PGM5: variants seen among roughly 807,000 people sequenced by gnomAD.
PGM5 encodes the protein phosphoglucomutase 5, also known as phosphoglucomutase-like protein 5.
In PGM5, 23 loss-of-function variants were observed where a neutral mutation model predicts 59.2. The observed-to-expected ratio is 0.39, with a 90% confidence interval of 0.28 to 0.55. PGM5 has a LOEUF of 0.55. Ranked by LOEUF, PGM5 falls within the 20% of genes least tolerant of loss-of-function variation. The probability of loss-of-function intolerance (pLI) is 0.66; values close to 1 mark genes in which losing one functional copy is unlikely to be tolerated. For synonymous variants in PGM5, 214 were observed against 286.0 expected (o/e 0.75, Z 2.54); for missense variants, 574 against 748.3 (o/e 0.77, Z 2.72).
intron 10 of PGM5, among the ~76,000 whole-genome samples, chr9:68,520,062 C>T (rs1359825832): frequency 1.4e-5 from 2 of 142,268 alleles, no homozygotes; most frequent in African/African-American, 2.6e-5. Context: ...TGCGCTCCAG[C>T]TTGAGTGACA....
chr9:68,371,325 T>C (rs1821723379), intron 1 of PGM5, among the ~76,000 whole-genome samples: 1 of 152,226 alleles, frequency 6.6e-6, no homozygotes, highest in Non-Finnish European at 1.5e-5. Flanking sequence ...TTCAATGCTG[T>C]AAACATAACT....
rs578081856 is a variant in PGM5 at position 68,365,876 on chromosome 9, A to G, written c.261+8488A>G. Among the ~76,000 whole-genome samples, 8 of 152,322 alleles carry G rather than the reference A, an allele frequency of 5.3e-5. No homozygotes were observed. The South Asian group carries it at 1.7e-3, about 32-fold the overall frequency. On this transcript the variant is annotated intron_variant, in intron 1 of 10. Transcript: ENST00000396396. ...CGAAATACTGGAAGGAGAGTTTTAC[A>G]ACAAATATTTAATATCTATGACATG...
chr9:68,420,310 A>G (rs1247730274), intron 6 of PGM5, among the ~76,000 whole-genome samples: 2 of 152,106 alleles, frequency 1.3e-5, no homozygotes, highest in African/African-American at 4.8e-5. Context: ...TCTGAAGAAA[A>G]ATTCTCTGCT....
intron 6 of PGM5, among the ~76,000 whole-genome samples, chr9:68,401,136 G>T (rs2261776): frequency 2.0e-5 from 3 of 152,196 alleles, no homozygotes; most frequent in East Asian, 1.9e-4. Context: ...GGAATAAATT[G>T]TTAACACTTA....
Position 68,356,815 on chromosome 9 carries a change from C to T in PGM5, c.-313C>T, listed in dbSNP as rs1445441343. The T allele has an allele frequency of 3.3e-6, 1 of 307,034 alleles. No individual in the cohort carries two copies. The highest frequency in any genetic ancestry group is 2.2e-5 in the African/African-American group (1 of 45,510). The allele number at this position is 307,034 out of a possible 1,614,324, so 19.0% of individuals were successfully genotyped here. On this transcript the variant is annotated 5_prime_UTR_variant, in exon 1 of 11. Transcript: ENST00000396396. The stretch of plus-strand genomic sequence containing the variant: ...CTGGAATCAGGCTTTTGGGACACCC[C>T]GAAAGTGAGTCCAACTTGGGGAGAA...
At chr9:68,425,637 A>G (rs1823223235) in intron 6 of PGM5, among the ~76,000 whole-genome samples, 1 of 152,206 alleles carries the variant, frequency 6.6e-6, no homozygotes, top group South Asian at 2.1e-4. Context: ...TTTTTAATCC[A>G]GAATAGGTCA....
intron 9 of PGM5, among the ~76,000 whole-genome samples, chr9:68,487,190 G>A (rs1824309248): frequency 6.6e-6 from 1 of 152,056 alleles, no homozygotes; most frequent in African/African-American, 2.4e-5. Flanking sequence ...AGCTGGCCTT[G>A]TCACTGCCTA....
chr9:68,525,533 A>G (rs556857735), intron 10 of PGM5, among the ~76,000 whole-genome samples: 2 of 152,318 alleles, frequency 1.3e-5, no homozygotes, highest in African/African-American at 4.8e-5. Context: ...AGGGGAAATG[A>G]TTGATATTTA....
rs782077177 is a variant in PGM5 at position 68,483,975 on chromosome 9, A to G, written c.1406A>G (p.His469Arg). The change falls in exon 9 of 11, where the codon CAT becomes CGT. Residue 469 changes from histidine (H) to arginine (R), a missense_variant. His to Arg is a conservative substitution (Grantham distance 29). Around this residue, in one of 7 missense-constraint regions of PGM5, gnomAD observed 300 missense variants for 280.0 expected, o/e 1.07. Coordinates refer to ENST00000396396, the MANE Select transcript of PGM5 (RefSeq NM_021965.4). ...GGCCAGCAGTTTGCTGTGGGGAGCC[A>G]TGTCTACAGCGTGGCGAAGACGGAT... is the stretch of plus-strand genomic sequence containing the variant. ...FIGQQFAVGSHVYSVAKTDSF... is the reference protein window; with the variant it reads ...FIGQQFAVGSRVYSVAKTDSF... 3 of 1,614,106 alleles carry G rather than the reference A, an allele frequency of 1.9e-6. No individual in the cohort carries two copies. Among genetic ancestry groups the G allele is most frequent in the East Asian group, 2.2e-5 (1 of 44,874 alleles).
chr9:68,486,654 A>G (rs1554687556), intron 9 of PGM5, among the ~76,000 whole-genome samples: 1 of 152,198 alleles, frequency 6.6e-6, no homozygotes, highest in Non-Finnish European at 1.5e-5. Context: ...ACGTGGATGT[A>G]CCACAGTTTG....
intron 6 of PGM5, among the ~76,000 whole-genome samples, chr9:68,414,899 G>A (rs1293129251): frequency 1.4e-5 from 2 of 145,638 alleles, no homozygotes; most frequent in African/African-American, 5.4e-5. Context: ...TCAGTAGAAG[G>A]GTGTGAGGCA....
intron 1 of PGM5, among the ~76,000 whole-genome samples, chr9:68,377,401 G>C (rs1285874855): frequency 6.6e-6 from 1 of 152,168 alleles, no homozygotes; most frequent in Non-Finnish European, 1.5e-5. Context: ...CTAGAATACA[G>C]TTTGAGTACT....
At chr9:68,464,630 A>AGT (rs150913435) in intron 6 of PGM5, 22 of 152,242 alleles carry the variant, frequency 1.4e-4, no homozygotes, top group East Asian at 1.4e-3. Flanking sequence ...AAATGTCTAA[A>AGT]GTGTGTGTGT....
At chr9:68,362,865 C>CTTT (rs1163826772) in intron 1 of PGM5, among the ~76,000 whole-genome samples, 53 of 96,764 alleles carry the variant, frequency 5.5e-4, no homozygotes, top group Non-Finnish European at 7.6e-4. Context: ...TTTTCTTTTT[C>CTTT]TTTTTTTTTT....
intron 6 of PGM5, among the ~76,000 whole-genome samples, chr9:68,448,972 A>C (rs546671089): frequency 1.1e-3 from 161 of 152,334 alleles, no homozygotes; most frequent in African/African-American, 3.7e-3. Flanking sequence ...GCTTATAAAC[A>C]ACAGAAATGC....
intron 6 of PGM5, among the ~76,000 whole-genome samples, chr9:68,451,282 C>T (rs956377051): frequency 1.3e-5 from 2 of 152,188 alleles, no homozygotes; most frequent in Non-Finnish European, 2.9e-5. Flanking sequence ...GTATAAAATA[C>T]CACATGTTGT....
At chr9:68,515,055 AT>A (rs1824805307) in intron 10 of PGM5, among the ~76,000 whole-genome samples, 1 of 152,234 alleles carries the variant, frequency 6.6e-6, no homozygotes, top group African/African-American at 2.4e-5. Context: ...TTCTAATTTG[AT>A]TTTGCCAAGG....
intron 1 of PGM5, among the ~76,000 whole-genome samples, chr9:68,361,362 C>T (rs1449993218): frequency 1.3e-5 from 2 of 152,172 alleles, no homozygotes; most frequent in African/African-American, 2.4e-5. Context: ...AATATTTCCC[C>T]TTCTGGAATT....
In PGM5 at chr9:68,489,988, G is replaced by C. The variant is rs185664033; in HGVS notation, c.1479+5940G>C. 1.1e-3 allele frequency among the ~76,000 whole-genome samples: 171 copies of C among 152,300 alleles called. 2 individuals carry two copies. In the Middle Eastern group the frequency reaches 0.041, roughly 36 times the overall value. On this transcript the variant is annotated intron_variant, in intron 9 of 10. Coordinates refer to ENST00000396396, the MANE Select transcript of PGM5 (RefSeq NM_021965.4). ...GGAAAAAAAGAACCGTTTGAATTTA[G>C]TTCAGAGAAAAAGCACACTTTGAAG...
Sources: gnomAD v4.1 joint callset for allele counts (sites outside exome capture counted in the v4.1 genomes callset) on GRCh38, gnomAD v4.1.1 for gene constraint, gnomAD v4.1.1 regional missense constraint, MANE v1.5 for transcripts, NCBI Gene and HGNC (gene_info 2026-07-23, HGNC 2026-07-21) for gene names.